The following SUGCT variants were observed in gnomAD, a reference collection of about 807,000 sequenced individuals.
The protein encoded by SUGCT is succinyl-CoA:glutarate CoA-transferase.
A neutral mutation model predicts 55.0 loss-of-function variants in SUGCT; 41 were observed. That is an observed-to-expected ratio of 0.74 (90% CI 0.58 to 0.97). The LOEUF (loss-of-function observed/expected upper bound fraction) is 0.97, where lower values mean the gene tolerates loss of function less well. Among genes scored for constraint, SUGCT ranks in the 50% least tolerant of loss-of-function variants. The pLI, the probability that SUGCT is intolerant of heterozygous loss-of-function variation, is 0.00. For synonymous variants in SUGCT, 187 were observed against 200.4 expected, an observed-to-expected ratio of 0.93 and a Z score of 0.56; for missense variants, 568 against 547.8, an observed-to-expected ratio of 1.04 and a Z score of -0.37.
the SUGCT span, among the ~76,000 whole-genome samples, chr7:41,004,768 T>C: frequency 6.6e-6 from 1 of 150,840 alleles, no homozygotes; most frequent in East Asian, 2.0e-4. Flanking sequence ...CAGTAAAATA[T>C]TCTACAAATT....
At chr7:40,248,723 C>T (rs982209754) in intron 7 of SUGCT, among the ~76,000 whole-genome samples, 11 of 152,086 alleles carry the variant, frequency 7.2e-5, no homozygotes, top group African/African-American at 2.7e-4. Context: ...CTGGTGTCAA[C>T]AGATTAGTTC....
At chr7:40,166,716 G>A (rs1784438538) in intron 1 of SUGCT, among the ~76,000 whole-genome samples, 1 of 151,970 alleles carries the variant, frequency 6.6e-6, no homozygotes, top group South Asian at 2.1e-4. Context: ...ATGAAACCCT[G>A]TCTCCACTAA....
chr7:40,688,059 A>G (rs768194188), intron 12 of SUGCT, among the ~76,000 whole-genome samples: 7 of 152,212 alleles, frequency 4.6e-5, no homozygotes, highest in Non-Finnish European at 7.3e-5. Context: ...TCAAGATGCT[A>G]AGACTTAATT....
intron 10 of SUGCT, among the ~76,000 whole-genome samples, chr7:40,457,748 A>T (rs112954872): frequency 6.6e-6 from 1 of 152,194 alleles, no homozygotes; most frequent in Non-Finnish European, 1.5e-5. Context: ...TGGGCATTCC[A>T]GTTACCCTTA....
intron 1 of SUGCT, among the ~76,000 whole-genome samples, chr7:40,149,639 C>T (rs1008660842): frequency 6.6e-6 from 1 of 152,080 alleles, no homozygotes; most frequent in Non-Finnish European, 1.5e-5. Flanking sequence ...AAAAATCGGC[C>T]GGGCATGGTA....
chr7:40,196,252 G>C (rs1409861056), intron 6 of SUGCT, among the ~76,000 whole-genome samples: 2 of 152,134 alleles, frequency 1.3e-5, no homozygotes. Context: ...TTAGGGATGC[G>C]ATAGAGAAAA....
chr7:40,523,363 A>G (rs1431619332), intron 12 of SUGCT, among the ~76,000 whole-genome samples: 3 of 152,048 alleles, frequency 2.0e-5, no homozygotes, highest in Non-Finnish European at 1.5e-5. Context: ...TTGACATTTA[A>G]TATCTATCTT....
At chr7:40,333,674 T>A (rs1167569722) in intron 9 of SUGCT, among the ~76,000 whole-genome samples, 20 of 34,206 alleles carry the variant, frequency 5.8e-4, no homozygotes, top group African/African-American at 9.9e-4. Context: ...AAAAAATATA[T>A]ATATATATAT....
chr7:40,414,042 C>A (rs1057366665), intron 9 of SUGCT, among the ~76,000 whole-genome samples: 2 of 151,860 alleles, frequency 1.3e-5, no homozygotes, highest in African/African-American at 4.8e-5. Context: ...CTGTTATTTG[C>A]TATTACTATA....
the SUGCT span, among the ~76,000 whole-genome samples, chr7:40,912,185 A>C: frequency 6.6e-6 from 1 of 152,154 alleles, no homozygotes; most frequent in African/African-American, 2.4e-5. Flanking sequence ...TTCAATGTTT[A>C]CAATACCTAT....
chr7:40,393,800 G>C (rs1785573728), intron 9 of SUGCT, among the ~76,000 whole-genome samples: 1 of 152,210 alleles, frequency 6.6e-6, no homozygotes, highest in Non-Finnish European at 1.5e-5. Context: ...TGGGTCATAT[G>C]TGTTAGACAG....
At chr7:40,424,672 A>G (rs1787491271) in intron 9 of SUGCT, among the ~76,000 whole-genome samples, 1 of 152,144 alleles carries the variant, frequency 6.6e-6, no homozygotes, top group African/African-American at 2.4e-5. Context: ...TTTAACTACT[A>G]TTATTATTTA....
At chr7:40,906,146 T>G in the SUGCT span, among the ~76,000 whole-genome samples, 1 of 152,040 alleles carries the variant, frequency 6.6e-6, no homozygotes, top group Non-Finnish European at 1.5e-5. Flanking sequence ...TTTTTTTTTT[T>G]GCATCAAACT....
At chr7:40,457,275 A>C (rs1241062302) in intron 10 of SUGCT, among the ~76,000 whole-genome samples, 1 of 151,948 alleles carries the variant, frequency 6.6e-6, no homozygotes, top group Non-Finnish European at 1.5e-5. Context: ...CCTCATCTCT[A>C]CTAAAAATAC....
intron 3 of SUGCT, among the ~76,000 whole-genome samples, 157 bp from the exon 4 acceptor site, chr7:40,188,338 G>A (rs1785664243): frequency 1.3e-5 from 2 of 150,332 alleles, no homozygotes; most frequent in African/African-American, 2.5e-5. Context: ...GGTGGCTGAG[G>A]CAGGAGAATT....
rs1235658268 is a variant in SUGCT at position 40,159,112 on chromosome 7, G to A, written c.101-21835G>A. Among the ~76,000 whole-genome samples the A allele has an allele frequency of 4.6e-5, 7 of 152,026 alleles. No homozygotes were observed. In the East Asian group the frequency reaches 1.4e-3, roughly 29 times the overall value. On this transcript the variant is annotated intron_variant, in intron 1 of 13. Transcript: ENST00000335693. ...TTTGTATTTTTTTTATAGAGACAGG[G>A]TTTCCTCATATTGCTGAGGCCGGTC...
chr7:40,531,865 G>A (rs1415612763), intron 12 of SUGCT, among the ~76,000 whole-genome samples: 3 of 152,076 alleles, frequency 2.0e-5, no homozygotes, highest in African/African-American at 2.4e-5. Flanking sequence ...AGTAGAGATG[G>A]GGTTTCACCT....
At chr7:40,435,793 C>T (rs973252357) in intron 9 of SUGCT, among the ~76,000 whole-genome samples, 9 of 152,074 alleles carry the variant, frequency 5.9e-5, no homozygotes, top group African/African-American at 1.9e-4. Flanking sequence ...TTCTGAGCCT[C>T]ATCCTCATAT....
chr7:40,542,565 G>T (rs1441302687), intron 12 of SUGCT, among the ~76,000 whole-genome samples: 6 of 152,102 alleles, frequency 3.9e-5, no homozygotes, highest in Non-Finnish European at 7.4e-5. Flanking sequence ...GAAGGAAGCT[G>T]CCCATATTAT....
Sources: gnomAD v4.1 joint callset for allele counts (sites outside exome capture counted in the v4.1 genomes callset) on GRCh38, gnomAD v4.1.1 for gene constraint, MANE v1.5 for transcripts, NCBI Gene and HGNC (gene_info 2026-07-23, HGNC 2026-07-21) for gene names.